NRXN3: variants seen among roughly 807,000 people sequenced by gnomAD.
NRXN3 encodes neurexin III.
A neutral mutation model predicts 137.6 loss-of-function variants in NRXN3; 32 were observed. The observed-to-expected ratio is 0.23, with a 90% confidence interval of 0.18 to 0.31. The LOEUF is 0.31. Among genes scored for constraint, NRXN3 ranks in the 10% least tolerant of loss-of-function variants. The pLI is 1.00. For synonymous variants in NRXN3, 798 were observed against 784.5 expected (o/e 1.02, Z -0.29); for missense variants, 1,574 against 2,062.5 (o/e 0.76, Z 4.59).
chr14:79,488,080 G>T (rs181447296), intron 16 of NRXN3, among the ~76,000 whole-genome samples: 57 of 152,292 alleles, frequency 3.7e-4, no homozygotes, highest in Non-Finnish European at 7.6e-4. Flanking sequence ...GCTAGCAGCT[G>T]TGTTACACAT....
At chr14:78,927,913 T>A (rs2099310502) in intron 10 of NRXN3, among the ~76,000 whole-genome samples, 2 of 152,118 alleles carry the variant, frequency 1.3e-5, no homozygotes. Context: ...AGTGCCTGCC[T>A]GAGTCTCTAT....
At position 79,168,011 on chromosome 14, in the gene NRXN3, C is replaced by T. The variant is rs77744683; in HGVS notation, c.3262+179870C>T. Among the ~76,000 whole-genome samples, 96 of 147,814 alleles carry T rather than the reference C, an allele frequency of 6.5e-4. 4 individuals carry two copies. The East Asian group carries it at 0.019, about 30-fold the overall frequency. On this transcript the variant is annotated intron_variant, in intron 15 of 20. Coordinates refer to ENST00000335750, the MANE Select transcript of NRXN3 (RefSeq NM_001330195.2). ...ATGGAGAAACCAGCCCATAACTTAT[C>T]TATCTGAGCTGAAACAGAATCAATG...
intron 17 of NRXN3, among the ~76,000 whole-genome samples, chr14:79,672,205 T>G (rs1267863190): frequency 6.6e-6 from 1 of 152,024 alleles, no homozygotes; most frequent in Non-Finnish European, 1.5e-5. Context: ...TAGTAGACTA[T>G]CTTGGGATTT....
intron 16 of NRXN3, among the ~76,000 whole-genome samples, chr14:79,479,110 C>T (rs1361261527): frequency 6.6e-6 from 1 of 152,160 alleles, no homozygotes; most frequent in East Asian, 1.9e-4. Context: ...ACAAACGTTA[C>T]TAAATGGTTA....
At chr14:78,848,135 A>G (rs972049423) in intron 10 of NRXN3, among the ~76,000 whole-genome samples, 7 of 152,048 alleles carry the variant, frequency 4.6e-5, no homozygotes, top group African/African-American at 9.7e-5. Context: ...GGTGGGGCAG[A>G]TGTGGGCTTT....
intron 20 of NRXN3, among the ~76,000 whole-genome samples, chr14:79,843,470 C>T (rs1018180286): frequency 2.0e-5 from 3 of 152,074 alleles, no homozygotes; most frequent in Non-Finnish European, 4.4e-5. Flanking sequence ...TGGTAACTTC[C>T]TAAGACAAAA....
chr14:79,799,219 G>T (rs867187385), intron 19 of NRXN3, among the ~76,000 whole-genome samples: 2 of 152,070 alleles, frequency 1.3e-5, no homozygotes, highest in Non-Finnish European at 2.9e-5. Flanking sequence ...ATTTCAACAC[G>T]TGGATTAAAA....
intron 15 of NRXN3, among the ~76,000 whole-genome samples, chr14:79,443,873 C>T (rs1366627493): frequency 6.6e-6 from 1 of 152,140 alleles, no homozygotes; most frequent in African/African-American, 2.4e-5. Context: ...AGAATACTTC[C>T]CCACTGGTTT....
intron 15 of NRXN3, among the ~76,000 whole-genome samples, chr14:79,068,316 C>T (rs1434865933): frequency 6.6e-6 from 1 of 151,888 alleles, no homozygotes; most frequent in Non-Finnish European, 1.5e-5. Context: ...ATAACTTTCT[C>T]AATTACTTAG....
In NRXN3 at chr14:79,645,671, G is replaced by C. The variant is rs915966858; in HGVS notation, c.3445-18107G>C. ...GTATTAATGCCTGGTATAATACCTC[G>C]CACACAGAAGGTGTTCCATATATGC... is the stretch of plus-strand genomic sequence containing the variant. On this transcript the variant is annotated intron_variant, in intron 16 of 20. Transcript: ENST00000335750. 1.5e-5 allele frequency among the ~76,000 whole-genome samples: 2 copies of C among 132,918 alleles called. 1 individual carries two copies. The highest frequency in any genetic ancestry group is 3.5e-5 in the Non-Finnish European group (2 of 57,314). The allele number at this position is 132,918 out of a possible 152,430, so 87.2% of individuals were successfully genotyped here. A position where few individuals can be genotyped will look rare whatever the true frequency, so the allele number is the denominator to read the frequency against.
intron 4 of NRXN3, among the ~76,000 whole-genome samples, chr14:78,350,289 CA>C (rs35583372): frequency 0.43 from 58,513 of 137,208 alleles, 12,388 homozygotes; most frequent in Admixed American, 0.54. Flanking sequence ...AACTTCATCT[CA>C]AAAAAAAAAA....
At chr14:78,378,484 C>CAAAAA (rs3037810) in intron 4 of NRXN3, among the ~76,000 whole-genome samples, 1 of 126,902 alleles carries the variant, frequency 7.9e-6, no homozygotes, top group Non-Finnish European at 1.7e-5. Flanking sequence ...GATTCTGTCT[C>CAAAAA]AAAAAAAAAA....
At chr14:79,677,390 C>T (rs1216497289) in intron 17 of NRXN3, among the ~76,000 whole-genome samples, 2 of 151,786 alleles carry the variant, frequency 1.3e-5, no homozygotes, top group Non-Finnish European at 2.9e-5. Context: ...AAAACTGTTG[C>T]GAGGTGCTGT....
chr14:78,702,211 G>A (rs1368860643), intron 6 of NRXN3, among the ~76,000 whole-genome samples: 4 of 151,816 alleles, frequency 2.6e-5, no homozygotes, highest in Non-Finnish European at 5.9e-5. Flanking sequence ...TGGTGTGTGT[G>A]CATCTCATAA....
intron 15 of NRXN3, among the ~76,000 whole-genome samples, chr14:79,018,869 A>G (rs1431189115): frequency 1.3e-5 from 2 of 152,172 alleles, no homozygotes; most frequent in Non-Finnish European, 2.9e-5. Flanking sequence ...GTTACTGAGC[A>G]CCCCTGCCCT....
intron 10 of NRXN3, among the ~76,000 whole-genome samples, chr14:78,942,489 G>T (rs940647286): frequency 6.6e-6 from 1 of 152,214 alleles, no homozygotes; most frequent in Non-Finnish European, 1.5e-5. Context: ...ATTTATTCAA[G>T]TAGGGTTGGG....
chr14:79,778,224 G>A lies in NRXN3; in HGVS notation c.4015-26888G>A, dbSNP rs143608207. On this transcript the variant is annotated intron_variant, in intron 19 of 20. Transcript: ENST00000335750. Reference sequence around the variant, plus strand: ...GAGGTCAGGAGTTTGAGACCAGCCCGGCCAGCATGGTGAAACCCTGTCTCT... The same window carrying A: ...GAGGTCAGGAGTTTGAGACCAGCCCAGCCAGCATGGTGAAACCCTGTCTCT... Among the ~76,000 whole-genome samples, 182 of 152,266 alleles carry A rather than the reference G, an allele frequency of 1.2e-3. 1 individual carries two copies. Among genetic ancestry groups the A allele is most frequent in the African/African-American group, 3.5e-3 (145 of 41,536 alleles).
chr14:79,043,290 C>A (rs995694134), intron 15 of NRXN3, among the ~76,000 whole-genome samples: 1 of 152,136 alleles, frequency 6.6e-6, no homozygotes, highest in African/African-American at 2.4e-5. Flanking sequence ...TAATTCTTGA[C>A]AAAAGTCTGT....
At chr14:78,364,807 A>G (rs543456123) in intron 4 of NRXN3, among the ~76,000 whole-genome samples, 1 of 152,352 alleles carries the variant, frequency 6.6e-6, no homozygotes, top group African/African-American at 2.4e-5. Context: ...CCAGCACTGT[A>G]TGAGAGCAAC....
Sources: allele counts gnomAD v4.1 joint callset (sites outside exome capture counted in the v4.1 genomes callset), GRCh38; gene constraint gnomAD v4.1.1; transcripts MANE v1.5; gene names NCBI Gene and HGNC (gene_info 2026-07-23, HGNC 2026-07-21).